The following PLEKHM3 variants were observed in gnomAD, a reference collection of about 807,000 sequenced individuals.
PLEKHM3 encodes the protein pleckstrin homology domain-containing family M member 3.
A neutral mutation model predicts 81.8 loss-of-function variants in PLEKHM3; 45 were observed. The ratio of observed to expected loss-of-function variants is 0.55; its 90% confidence interval spans 0.43 to 0.71. The LOEUF is 0.71. PLEKHM3 is among the 30% of genes least tolerant of loss of function. The pLI is 0.00. For missense variants in PLEKHM3, 788 were observed against 924.3 expected (o/e 0.85, Z 1.91); for synonymous variants, 352 against 356.4 (o/e 0.99, Z 0.14).
intron 3 of PLEKHM3, among the ~76,000 whole-genome samples, chr2:207,971,768 G>A (rs768250897): frequency 5.9e-5 from 9 of 152,150 alleles, no homozygotes; most frequent in Non-Finnish European, 1.3e-4. Flanking sequence ...CACCGAAGAA[G>A]CATGCCTCAT....
rs189509259 is a variant in PLEKHM3, at chr2:207,995,799, G to T, written c.610+5231C>A. 2.6e-5 allele frequency among the ~76,000 whole-genome samples: 4 copies of T among 152,192 alleles called. No individual in the cohort carries two copies. In the East Asian group the frequency reaches 7.7e-4, roughly 29 times the overall value. ...AAACACACTAGGTGCTCAGATGTTG[G>T]CTTTGATAGTAATAAACAAACTGTT... On this transcript the variant is annotated intron_variant, in intron 2 of 7. Coordinates refer to ENST00000427836, the MANE Select transcript of PLEKHM3 (RefSeq NM_001080475.3).
At chr2:207,882,629 A>AG (rs1260487713) in intron 6 of PLEKHM3, among the ~76,000 whole-genome samples, 1 of 151,554 alleles carries the variant, frequency 6.6e-6, no homozygotes, top group Non-Finnish European at 1.5e-5. Flanking sequence ...AAAAAAAAAA[A>AG]AAGGCCTGGG....
chr2:207,995,632 A>G (rs540484511), intron 2 of PLEKHM3, among the ~76,000 whole-genome samples: 1 of 152,330 alleles, frequency 6.6e-6, no homozygotes, highest in South Asian at 2.1e-4. Context: ...AACGGGACCA[A>G]TGAAAAACCC....
intron 5 of PLEKHM3, among the ~76,000 whole-genome samples, chr2:207,923,897 A>ATT (rs1374566712): frequency 5.3e-4 from 44 of 83,616 alleles, no homozygotes; most frequent in Non-Finnish European, 9.2e-4. Context: ...ATATATATAT[A>ATT]TATATATATT....
At chr2:207,955,718 T>C (rs1690482242) in intron 3 of PLEKHM3, among the ~76,000 whole-genome samples, 1 of 152,232 alleles carries the variant, frequency 6.6e-6, no homozygotes, top group South Asian at 2.1e-4. Context: ...TTTCAGGTAG[T>C]TATCTCCTTT....
At chr2:208,006,019 T>G (rs961381726) in intron 1 of PLEKHM3, among the ~76,000 whole-genome samples, 2 of 152,196 alleles carry the variant, frequency 1.3e-5, no homozygotes, top group African/African-American at 4.8e-5. Flanking sequence ...CACCTGGGTT[T>G]GCCAAATTGT....
At chr2:207,875,918 T>A (rs753330473) in intron 6 of PLEKHM3, among the ~76,000 whole-genome samples, 1 of 152,240 alleles carries the variant, frequency 6.6e-6, no homozygotes, top group African/African-American at 2.4e-5. Flanking sequence ...AACTCTGTTA[T>A]GCAGCCAGTA....
intron 1 of PLEKHM3, among the ~76,000 whole-genome samples, chr2:208,015,022 TTCTAA>T (rs1692847609): frequency 6.6e-6 from 1 of 152,232 alleles, no homozygotes; most frequent in Admixed American, 6.5e-5. Context: ...TTCTTATAAG[TTCTAA>T]TCTAAGACCA....
At chr2:207,847,227 G>A (rs1451282860) in intron 7 of PLEKHM3, among the ~76,000 whole-genome samples, 2 of 152,128 alleles carry the variant, frequency 1.3e-5, no homozygotes, top group Admixed American at 6.5e-5. Flanking sequence ...TGGCATAAAG[G>A]GTCAGGTCAG....
At chr2:207,899,435 G>A (rs1326577739) in intron 6 of PLEKHM3, among the ~76,000 whole-genome samples, 2 of 152,182 alleles carry the variant, frequency 1.3e-5, no homozygotes, top group Non-Finnish European at 2.9e-5. Flanking sequence ...AATCTAGTCC[G>A]TTTCTGAGAA....
chr2:207,988,651 C>T (rs1559272051), intron 2 of PLEKHM3, among the ~76,000 whole-genome samples: 1 of 152,286 alleles, frequency 6.6e-6, no homozygotes, highest in East Asian at 1.9e-4. Flanking sequence ...TTTTCTCCAT[C>T]TTCCAATATC....
intron 7 of PLEKHM3, among the ~76,000 whole-genome samples, chr2:207,857,089 A>C (rs1423222705): frequency 6.6e-6 from 1 of 152,158 alleles, no homozygotes; most frequent in African/African-American, 2.4e-5. Context: ...GTTGAGTTTA[A>C]CTATATGCTT....
chr2:207,865,454 G>A (rs1397214782), intron 6 of PLEKHM3, among the ~76,000 whole-genome samples: 2 of 151,786 alleles, frequency 1.3e-5, no homozygotes, highest in African/African-American at 2.4e-5. Context: ...TTTTCCCTCT[G>A]CCATGCCCCT....
At chr2:208,013,039 A>G (rs1420094887) in intron 1 of PLEKHM3, among the ~76,000 whole-genome samples, 1 of 152,268 alleles carries the variant, frequency 6.6e-6, no homozygotes, top group Non-Finnish European at 1.5e-5. Context: ...CTTCAACAGA[A>G]GTATACAAAG....
intron 7 of PLEKHM3, among the ~76,000 whole-genome samples, chr2:207,836,489 A>G (rs2092320353): frequency 3.3e-5 from 5 of 152,208 alleles, no homozygotes; most frequent in Admixed American, 3.3e-4. Context: ...TATTGTAGTT[A>G]TTGAAACTAG....
At chr2:208,016,668 A>AACACACACACACACAC (rs1553568085) in intron 1 of PLEKHM3, among the ~76,000 whole-genome samples, 1 of 61,554 alleles carries the variant, frequency 1.6e-5, no homozygotes, top group East Asian at 3.5e-4. Flanking sequence ...AAAAAAAAAA[A>AACACACACACACACAC]ATACACACAC....
chr2:208,023,901 A>G (rs1030896242), intron 1 of PLEKHM3, among the ~76,000 whole-genome samples: 6 of 152,058 alleles, frequency 3.9e-5, no homozygotes, highest in Admixed American at 3.3e-4. Context: ...AGCAATTACT[A>G]TATGCCAGGT....
At chr2:208,014,222 A>G (rs1692798866) in intron 1 of PLEKHM3, among the ~76,000 whole-genome samples, 1 of 152,252 alleles carries the variant, frequency 6.6e-6, no homozygotes, top group Admixed American at 6.5e-5. Flanking sequence ...ACCCTCAAAG[A>G]TAAGCACAAG....
chr2:207,993,499 G>A (rs1187064035), intron 2 of PLEKHM3, among the ~76,000 whole-genome samples: 1 of 145,464 alleles, frequency 6.9e-6, no homozygotes, highest in East Asian at 2.0e-4. Flanking sequence ...TCCCAAATTT[G>A]GCTTTTTTTT....
Sources: allele counts gnomAD v4.1 joint callset (sites outside exome capture counted in the v4.1 genomes callset), GRCh38; gene constraint gnomAD v4.1.1; transcripts MANE v1.5; gene names NCBI Gene and HGNC (gene_info 2026-07-23, HGNC 2026-07-21).